Variants in SRBD1 observed in about 807,000 individuals in gnomAD.
The protein encoded by SRBD1 is S1 RNA binding domain 1.
Under a neutral mutation model 115.3 loss-of-function variants are expected in SRBD1, and 88 were observed. The observed-to-expected ratio is 0.76, with a 90% CI of 0.64 to 0.91. The LOEUF is 0.91. Among genes scored for constraint, SRBD1 ranks in the 40% least tolerant of loss-of-function variants. The pLI, the probability that SRBD1 is intolerant of heterozygous loss-of-function variation, is 0.00. For missense variants in SRBD1, 1,385 were observed against 1,177.4 expected, an observed-to-expected ratio of 1.18 and a Z score of -2.58; for synonymous variants, 509 against 407.7, an observed-to-expected ratio of 1.25 and a Z score of -2.99.
intron 20 of SRBD1, among the ~76,000 whole-genome samples, chr2:45,390,205 G>T (rs1025696111): frequency 3.9e-5 from 6 of 152,088 alleles, no homozygotes; most frequent in African/African-American, 1.4e-4. Context: ...CAGAATCCCA[G>T]ACCAGGTAGT....
chr2:45,485,568 C>T (rs907489750), intron 15 of SRBD1, among the ~76,000 whole-genome samples: 18 of 152,114 alleles, frequency 1.2e-4, no homozygotes, highest in Non-Finnish European at 2.1e-4. Context: ...AGGCCATGTA[C>T]CATGCATTGT....
At chr2:45,566,104 C>T (rs747542548) in intron 9 of SRBD1, among the ~76,000 whole-genome samples, 1 of 152,100 alleles carries the variant, frequency 6.6e-6, no homozygotes, top group Non-Finnish European at 1.5e-5. Flanking sequence ...CTTCACAAAC[C>T]GCTGGTGAGA....
At chr2:45,474,967 C>A (rs1669763061) in intron 16 of SRBD1, among the ~76,000 whole-genome samples, 1 of 152,122 alleles carries the variant, frequency 6.6e-6, no homozygotes, top group Non-Finnish European at 1.5e-5. Flanking sequence ...TTCAGCCCAC[C>A]ATCTTGATGA....
rs1313969264 is a variant in SRBD1, at chr2:45,418,487, C to T, written c.2211G>A (p.Glu737=). 1 of 1,613,614 alleles carries T rather than the reference C, an allele frequency of 6.2e-7. No individual in the cohort carries two copies. Among genetic ancestry groups the T allele is most frequent in the Non-Finnish European group, 8.5e-7 (1 of 1,179,922 alleles). The change falls in exon 18 of 21, where the codon GAG becomes GAA. Residue 737 remains glutamate, a synonymous_variant. Transcript: ENST00000263736. The part of the protein sequence containing the change: ...NRAKNIIEWR[E]KNGPFINREQ... ...CTCGGTTGATAAAGGGTCCATTTTT[C>T]TCTCGCCATTCAATAATATTTTTGG...
chr2:45,574,860 C>T, intron 7 of SRBD1, 137 bp from the exon 8 acceptor site: 1 of 688,766 alleles, frequency 1.5e-6, no homozygotes, highest in Admixed American at 3.1e-5. Flanking sequence ...AAAGATATTG[C>T]AGCAGTATAC....
At chr2:45,437,431 T>C (rs1668532059) in intron 16 of SRBD1, among the ~76,000 whole-genome samples, 1 of 150,592 alleles carries the variant, frequency 6.6e-6, no homozygotes, top group African/African-American at 2.4e-5. Flanking sequence ...TAGAGTCAAC[T>C]GATCTTTGAC....
intron 15 of SRBD1, among the ~76,000 whole-genome samples, chr2:45,483,561 A>G (rs1426638709): frequency 2.0e-5 from 3 of 152,114 alleles, no homozygotes; most frequent in Non-Finnish European, 4.4e-5. Context: ...AGAATCCTAA[A>G]GCTTCTGGAG....
At chr2:45,457,225 T>C (rs898425132) in intron 16 of SRBD1, among the ~76,000 whole-genome samples, 2 of 151,992 alleles carry the variant, frequency 1.3e-5, no homozygotes, top group Non-Finnish European at 2.9e-5. Flanking sequence ...CTTTTATTTA[T>C]AACTGAATAA....
chr2:45,491,349 T>C (rs1433982325), intron 14 of SRBD1, among the ~76,000 whole-genome samples: 1 of 152,214 alleles, frequency 6.6e-6, no homozygotes, highest in Non-Finnish European at 1.5e-5. Flanking sequence ...TTCTCAGCAG[T>C]ACAAACAAAT....
At chr2:45,394,441 T>C (rs1244436240) in intron 19 of SRBD1, among the ~76,000 whole-genome samples, 2 of 152,208 alleles carry the variant, frequency 1.3e-5, no homozygotes, top group African/African-American at 2.4e-5. Flanking sequence ...ATCAGGCAGA[T>C]AGTGATACTA....
rs368147982 is a variant in SRBD1, at chr2:45,592,685, GC to G, written c.648+6763del. The stretch of plus-strand genomic sequence containing the variant: ...TTGGATACCTTCCACTGGTAACAAA[GC>G]CATTCAACAATGGATCCACTCATTG... On this transcript the variant is annotated intron_variant, in intron 4 of 20. Transcript: ENST00000263736. Among the ~76,000 whole-genome samples, 480 of 152,276 alleles carry G rather than the reference GC, an allele frequency of 3.2e-3. 4 individuals carry two copies. The highest frequency in any genetic ancestry group is 0.011 in the African/African-American group (461 of 41,550).
At chr2:45,473,951 T>G (rs1308338043) in intron 16 of SRBD1, among the ~76,000 whole-genome samples, 1 of 152,224 alleles carries the variant, frequency 6.6e-6, no homozygotes, top group African/African-American at 2.4e-5. Flanking sequence ...ATCATGTGAC[T>G]TTTTGTTCAT....
intron 14 of SRBD1, among the ~76,000 whole-genome samples, chr2:45,514,439 G>C (rs1203968666): frequency 2.6e-5 from 4 of 151,568 alleles, no homozygotes; most frequent in Non-Finnish European, 5.9e-5. Context: ...AATAAAATTT[G>C]TGACAACTTA....
intron 14 of SRBD1, among the ~76,000 whole-genome samples, chr2:45,491,764 G>A (rs1011614985): frequency 1.3e-5 from 2 of 152,020 alleles, no homozygotes; most frequent in African/African-American, 4.8e-5. Flanking sequence ...CAATATCAAC[G>A]CATTCACTTT....
intron 4 of SRBD1, among the ~76,000 whole-genome samples, 154 bp downstream of exon 4, chr2:45,599,295 G>C (rs1305765966): frequency 1.3e-5 from 2 of 152,306 alleles, no homozygotes; most frequent in East Asian, 3.9e-4. Flanking sequence ...GTGTACCCAA[G>C]AAAGTTACAA....
intron 19 of SRBD1, among the ~76,000 whole-genome samples, chr2:45,399,351 T>G (rs1667232572): frequency 6.6e-6 from 1 of 152,204 alleles, no homozygotes; most frequent in African/African-American, 2.4e-5. Context: ...AATCTAATTT[T>G]AAGTAATGAC....
chr2:45,547,344 C>T (rs945173945), intron 13 of SRBD1, among the ~76,000 whole-genome samples, 178 bp downstream of exon 13: 7 of 152,102 alleles, frequency 4.6e-5, no homozygotes, highest in Non-Finnish European at 1.0e-4. Flanking sequence ...AAGGGAGCAG[C>T]GTTTCTCAAG....
intron 14 of SRBD1, among the ~76,000 whole-genome samples, chr2:45,540,816 A>G (rs1671910259): frequency 6.6e-6 from 1 of 152,252 alleles, no homozygotes; most frequent in Non-Finnish European, 1.5e-5. Flanking sequence ...CCACAATGAG[A>G]TATCACTACA....
At chr2:45,406,460 A>G (rs1372675247) in intron 19 of SRBD1, among the ~76,000 whole-genome samples, 5 of 152,192 alleles carry the variant, frequency 3.3e-5, no homozygotes, top group African/African-American at 1.2e-4. Context: ...TCTAAATCCC[A>G]TGTTCCCCTT....
Sources: gnomAD v4.1 joint callset for allele counts (sites outside exome capture counted in the v4.1 genomes callset) on GRCh38, gnomAD v4.1.1 for gene constraint, MANE v1.5 for transcripts, NCBI Gene and HGNC (gene_info 2026-07-23, HGNC 2026-07-21) for gene names.